The following NLGN1 variants were observed in gnomAD, a reference collection of about 807,000 sequenced individuals.
NLGN1 encodes the protein neuroligin 1, also known as neuroligin-1.
A neutral mutation model predicts 65.5 loss-of-function variants in NLGN1; 12 were observed. That is an observed-to-expected ratio of 0.18 (90% CI 0.12 to 0.30). NLGN1 has a LOEUF of 0.30. Among genes scored for constraint, NLGN1 ranks in the 10% least tolerant of loss-of-function variants. NLGN1 has a pLI of 1.00. For missense variants in NLGN1, 750 were observed against 1,007.1 expected (o/e 0.74, Z 3.46); for synonymous variants, 350 against 359.5 (o/e 0.97, Z 0.30).
chr3:174,287,944 T>A (rs1752313472), downstream of NLGN1, among the ~76,000 whole-genome samples: 1 of 151,504 alleles, frequency 6.6e-6, no homozygotes, highest in African/African-American at 2.4e-5. Flanking sequence ...AAGAAATTAG[T>A]CATTTCTTCT....
chr3:173,744,809 TA>T (rs2150123150), intron 3 of NLGN1, among the ~76,000 whole-genome samples: 1 of 147,044 alleles, frequency 6.8e-6, no homozygotes, highest in African/African-American at 2.5e-5. Flanking sequence ...GCAGTGGTAC[TA>T]AAAAAGCTGT....
chr3:173,607,198 G>A (rs1751526819), intron 3 of NLGN1, among the ~76,000 whole-genome samples: 1 of 151,806 alleles, frequency 6.6e-6, no homozygotes, highest in Admixed American at 6.6e-5. Flanking sequence ...TTGTATTGTT[G>A]GTTCCATTTG....
chr3:173,867,167 C>T (rs569143410), intron 4 of NLGN1, among the ~76,000 whole-genome samples: 17 of 152,194 alleles, frequency 1.1e-4, no homozygotes, highest in Non-Finnish European at 2.1e-4. Context: ...TAAAATGTAA[C>T]CCCCTCCTAA....
intron 4 of NLGN1, among the ~76,000 whole-genome samples, chr3:174,043,254 CT>C (rs1333896478): frequency 1.1e-4 from 17 of 152,276 alleles, no homozygotes; most frequent in African/African-American, 3.6e-4. Context: ...CATTCAGCCC[CT>C]GGCCCCTTCC....
At chr3:173,757,767 T>G (rs1777359577) in intron 3 of NLGN1, among the ~76,000 whole-genome samples, 1 of 152,060 alleles carries the variant, frequency 6.6e-6, no homozygotes, top group Non-Finnish European at 1.5e-5. Context: ...TCTTTAGGTG[T>G]GCAAATGGCC....
intron 5 of NLGN1, among the ~76,000 whole-genome samples, chr3:174,277,442 C>CT (rs1750791248): frequency 6.6e-6 from 1 of 151,858 alleles, no homozygotes; most frequent in Admixed American, 6.6e-5. Context: ...CCTTCTCAAT[C>CT]TTTTTCGGTA....
chr3:173,940,778 A>C (rs953642383), intron 4 of NLGN1, among the ~76,000 whole-genome samples: 1 of 152,184 alleles, frequency 6.6e-6, no homozygotes, highest in African/African-American at 2.4e-5. Context: ...TATATTTCTC[A>C]TAAGTAGTTA....
At chr3:173,686,958 C>CAA (rs756629898) in intron 3 of NLGN1, among the ~76,000 whole-genome samples, 15 of 133,282 alleles carry the variant, frequency 1.1e-4, no homozygotes, top group African/African-American at 3.3e-4. Context: ...GTCCCAAAGA[C>CAA]AAAAAAAAAA....
At chr3:173,734,932 T>A (rs1453587812) in intron 3 of NLGN1, among the ~76,000 whole-genome samples, 3 of 152,112 alleles carry the variant, frequency 2.0e-5, no homozygotes, top group Admixed American at 1.3e-4. Context: ...TTAGATTATG[T>A]ACAGGTCTCC....
intron 5 of NLGN1, among the ~76,000 whole-genome samples, chr3:174,275,756 A>ATAGT (rs1239531793): frequency 3.9e-5 from 6 of 151,906 alleles, no homozygotes; most frequent in Non-Finnish European, 4.4e-5. Flanking sequence ...ACACTTCAGA[A>ATAGT]TAGTTAGCAT....
intron 3 of NLGN1, among the ~76,000 whole-genome samples, chr3:173,752,178 C>T (rs1377997934): frequency 6.6e-6 from 1 of 152,154 alleles, no homozygotes; most frequent in African/African-American, 2.4e-5. Context: ...AATACCTCTT[C>T]TGCCAGACTT....
At chr3:174,189,736 TGTA>T (rs1732043647) in intron 4 of NLGN1, among the ~76,000 whole-genome samples, 1 of 11,342 alleles carries the variant, frequency 8.8e-5, no homozygotes, top group Non-Finnish European at 2.0e-4. Flanking sequence ...ATATCCCTAA[TGTA>T]ATATATCAAA....
intron 3 of NLGN1, among the ~76,000 whole-genome samples, chr3:173,758,810 G>A (rs945775433): frequency 6.6e-6 from 1 of 151,954 alleles, no homozygotes; most frequent in African/African-American, 2.4e-5. Flanking sequence ...TGAACGCAGT[G>A]TAGGTTCTGA....
chr3:173,539,935 G>GTA lies in NLGN1; in HGVS notation c.-320-64343_-320-64342insAT, dbSNP rs1267542515. The stretch of plus-strand genomic sequence containing the variant: ...ATATAACATACGTGTGTGTGTGTGT[G>GTA]TGTGTATATATATCTTAGTGATAGA... On this transcript the variant is annotated intron_variant, in intron 2 of 6. Coordinates refer to ENST00000457714, the Ensembl canonical transcript of NLGN1. Among the ~76,000 whole-genome samples the GTA allele has an allele frequency of 2.3e-3, 336 of 144,966 alleles. 2 individuals carry two copies. The highest frequency in any genetic ancestry group is 8.1e-3 in the African/African-American group (300 of 37,168).
At chr3:173,796,874 TAG>T (rs1359465690) in intron 3 of NLGN1, among the ~76,000 whole-genome samples, 1 of 152,160 alleles carries the variant, frequency 6.6e-6, no homozygotes, top group Non-Finnish European at 1.5e-5. Context: ...TTTACAGGAA[TAG>T]AGTGTCTAAA....
intron 3 of NLGN1, among the ~76,000 whole-genome samples, chr3:173,739,617 T>G (rs1164954450): frequency 2.0e-5 from 3 of 152,070 alleles, no homozygotes; most frequent in Admixed American, 6.6e-5. Flanking sequence ...GGGAAAGGTT[T>G]CTAGAGAATC....
chr3:174,209,406 G>A (rs2861668), intron 4 of NLGN1, among the ~76,000 whole-genome samples: 15,938 of 152,032 alleles, frequency 0.1, 1,108 homozygotes, highest in Admixed American at 0.15. Flanking sequence ...GTCAGTACTC[G>A]TTAGCATAAA....
At chr3:174,150,759 A>G (rs1271055373) in intron 4 of NLGN1, among the ~76,000 whole-genome samples, 2 of 152,172 alleles carry the variant, frequency 1.3e-5, no homozygotes, top group Admixed American at 6.5e-5. Flanking sequence ...TGGAGCAGGA[A>G]GTACAGGGAT....
At chr3:174,052,842 T>G (rs1482689120) in intron 4 of NLGN1, among the ~76,000 whole-genome samples, 2 of 151,988 alleles carry the variant, frequency 1.3e-5, no homozygotes, top group Non-Finnish European at 2.9e-5. Flanking sequence ...GATTCACAAT[T>G]TGGCTTAATC....
Sources: allele counts gnomAD v4.1 joint callset (sites outside exome capture counted in the v4.1 genomes callset), GRCh38; gene constraint gnomAD v4.1.1; transcripts MANE v1.5; gene names NCBI Gene and HGNC (gene_info 2026-07-23, HGNC 2026-07-21).